The following SNX10 variants were observed in gnomAD, a reference collection of about 807,000 sequenced individuals.
SNX10 encodes the protein sorting nexin 10.
In SNX10, 25 loss-of-function variants were observed where a neutral mutation model predicts 28.5. The ratio of observed to expected loss-of-function variants is 0.88; its 90% CI spans 0.64 to 1.22. The LOEUF (loss-of-function observed/expected upper bound fraction) is 1.22. Among genes scored for constraint, SNX10 ranks in the 50% most tolerant of loss-of-function variants. The pLI is 0.00. For missense variants in SNX10, 223 were observed against 242.6 expected (o/e 0.92, Z 0.54); for synonymous variants, 62 against 81.4 (o/e 0.76, Z 1.28).
At chr7:26,305,000 G>T (rs527394708) in intron 1 of SNX10, among the ~76,000 whole-genome samples, 15 of 152,134 alleles carry the variant, frequency 9.9e-5, no homozygotes, top group Non-Finnish European at 2.1e-4. Context: ...GGGGGTGGAT[G>T]GGGGAGGCCT....
chr7:26,355,248 G>A (rs1380382804), intron 2 of SNX10, among the ~76,000 whole-genome samples: 4 of 152,062 alleles, frequency 2.6e-5, no homozygotes, highest in African/African-American at 9.7e-5. Flanking sequence ...CTTAACATTG[G>A]GAAGAAGGCT....
Position 26,371,828 on chromosome 7 carries a change from C to A in SNX10, c.319C>A (p.Gln107Lys). ...CTTTTTTTTTTAATATAGAGTCCTACAGAATGCACTTTTGCTTTCAGATAG... is the reference window on the plus strand; with the variant it reads ...CTTTTTTTTTTAATATAGAGTCCTAAAGAATGCACTTTTGCTTTCAGATAG... The part of the protein sequence containing the change: ...GLEDFLRKVL[Q>K]NALLLSDSSL... The change falls in exon 6 of 7, where the codon CAG becomes AAG. Residue 107 changes from glutamine (Q) to lysine (K), a missense_variant. Gln to Lys is a moderately conservative substitution (Grantham distance 53). Coordinates refer to ENST00000338523, the MANE Select transcript of SNX10 (RefSeq NM_013322.3). The A allele has an allele frequency of 6.2e-7, 1 of 1,609,400 alleles. No individual in the cohort carries two copies. The highest frequency in any genetic ancestry group is 8.5e-7 in the Non-Finnish European group (1 of 1,176,208).
chr7:26,313,036 C>G (rs1327772677), intron 1 of SNX10, among the ~76,000 whole-genome samples: 1 of 152,188 alleles, frequency 6.6e-6, no homozygotes, highest in Non-Finnish European at 1.5e-5. Flanking sequence ...ATTCCACTTA[C>G]AGAAATTTAC....
At chr7:26,330,473 G>T (rs978440042) in intron 1 of SNX10, among the ~76,000 whole-genome samples, 7 of 152,108 alleles carry the variant, frequency 4.6e-5, no homozygotes, top group Non-Finnish European at 8.8e-5. Context: ...GGGAGGGGCG[G>T]GTGGAGAAGC....
At chr7:26,356,054 T>G (rs1562815399) in intron 2 of SNX10, among the ~76,000 whole-genome samples, 1 of 152,104 alleles carries the variant, frequency 6.6e-6, no homozygotes, top group Non-Finnish European at 1.5e-5. Context: ...TCATCTCACT[T>G]AAGGGCTAAG....
intron 1 of SNX10, among the ~76,000 whole-genome samples, chr7:26,341,066 G>A (rs1240205204): frequency 6.6e-6 from 1 of 152,194 alleles, no homozygotes; most frequent in Non-Finnish European, 1.5e-5. Context: ...GGGAGGCTGA[G>A]GCAGGAGGAT....
intron 1 of SNX10, among the ~76,000 whole-genome samples, chr7:26,333,478 C>A (rs7788704): frequency 5.3e-5 from 8 of 151,648 alleles, no homozygotes; most frequent in Non-Finnish European, 1.2e-4. Flanking sequence ...TGCCCGCCAC[C>A]GCACCCGGCT....
chr7:26,371,767 C>A (rs906450761), intron 5 of SNX10, 54 bp from the exon 6 acceptor site: 6 of 1,249,150 alleles, frequency 4.8e-6, no homozygotes, highest in Non-Finnish European at 6.9e-6. Flanking sequence ...TTTCTTCTAC[C>A]CTATCACTGA....
chr7:26,315,908 C>T (rs1018889692), intron 1 of SNX10, among the ~76,000 whole-genome samples: 9 of 151,704 alleles, frequency 5.9e-5, no homozygotes, highest in Admixed American at 2.0e-4. Context: ...GTTGGCTGGG[C>T]GCGATGGCTC....
chr7:26,313,421 C>G (rs1786930728), intron 1 of SNX10, among the ~76,000 whole-genome samples: 5 of 152,156 alleles, frequency 3.3e-5, no homozygotes, highest in Admixed American at 3.3e-4. Context: ...GCTTCACTAC[C>G]TGATGCACCT....
intron 1 of SNX10, among the ~76,000 whole-genome samples, chr7:26,305,344 TC>T (rs1457020257): frequency 6.6e-6 from 1 of 152,140 alleles, no homozygotes; most frequent in Non-Finnish European, 1.5e-5. Context: ...GAACCAACAC[TC>T]CTTAGAAGTT....
rs1050430249 is a variant in SNX10 at position 26,373,780 on chromosome 7, T to C, written c.*1208T>C. 4 of 152,076 alleles carry C rather than the reference T, an allele frequency of 2.6e-5. No homozygotes were observed. The highest frequency in any genetic ancestry group is 1.3e-4 in the Admixed American group (2 of 15,280). The allele number at this position is 152,076 out of a possible 1,614,324, so 9.4% of individuals were successfully genotyped here. A position where few individuals can be genotyped will look rare whatever the true frequency, so the allele number is the denominator to read the frequency against. On this transcript the variant is annotated 3_prime_UTR_variant, in exon 7 of 7. Coordinates refer to ENST00000338523, the MANE Select transcript of SNX10 (RefSeq NM_013322.3). This position sits in a 1 kb window ranked among gnomAD's most constrained non-coding sequence, Gnocchi z 4.2. ...CTTGTTGCTTTGTTACCCAGCCTAA[T>C]TGAAGAGTGGCAGAGGCTACTACAA...
intron 2 of SNX10, among the ~76,000 whole-genome samples, chr7:26,357,555 T>C (rs1186625597): frequency 1.3e-5 from 2 of 152,126 alleles, no homozygotes; most frequent in African/African-American, 4.8e-5. Flanking sequence ...GAAAGCAACA[T>C]CATCAGATAC....
intron 2 of SNX10, chr7:26,357,007 G>C: frequency 9.1e-7 from 1 of 1,102,000 alleles, no homozygotes; most frequent in South Asian, 1.8e-5. Flanking sequence ...ATTCCTACAG[G>C]CATTTATTTA....
intron 1 of SNX10, among the ~76,000 whole-genome samples, chr7:26,325,637 T>G (rs1787476640): frequency 6.6e-6 from 1 of 151,874 alleles, no homozygotes; most frequent in African/African-American, 2.4e-5. Flanking sequence ...AATATAAATT[T>G]GTTTGACGGA....
At chr7:26,368,677 G>T (rs1192555851) in intron 5 of SNX10, among the ~76,000 whole-genome samples, 1 of 152,146 alleles carries the variant, frequency 6.6e-6, no homozygotes, top group African/African-American at 2.4e-5. Flanking sequence ...CAAAAGGCTA[G>T]TGTTGAACCA....
chr7:26,358,891 C>T (rs998879069), intron 2 of SNX10, among the ~76,000 whole-genome samples: 2 of 142,398 alleles, frequency 1.4e-5, no homozygotes, highest in Non-Finnish European at 3.0e-5. Context: ...CTGCAACCTC[C>T]GCCTCCTGGG....
intron 2 of SNX10, among the ~76,000 whole-genome samples, chr7:26,355,815 G>T (rs1489027530): frequency 6.6e-6 from 1 of 152,176 alleles, no homozygotes; most frequent in Non-Finnish European, 1.5e-5. Flanking sequence ...ACAGTCTTTG[G>T]AACAAGGCAG....
At chr7:26,328,420 G>T (rs972247363) in intron 1 of SNX10, among the ~76,000 whole-genome samples, 1 of 152,194 alleles carries the variant, frequency 6.6e-6, no homozygotes, top group African/African-American at 2.4e-5. Context: ...TGAGGTGTGT[G>T]CAGAATGTCC....
Sources: gnomAD v4.1 joint callset for allele counts (sites outside exome capture counted in the v4.1 genomes callset) on GRCh38, gnomAD v4.1.1 for gene constraint, Gnocchi (gnomAD v3.1) non-coding constraint, MANE v1.5 for transcripts, NCBI Gene and HGNC (gene_info 2026-07-23, HGNC 2026-07-21) for gene names.